The following PLEKHG2 variants were observed in gnomAD, a reference collection of about 807,000 sequenced individuals.
PLEKHG2 encodes the protein pleckstrin homology and RhoGEF domain containing G2, also known as pleckstrin homology domain-containing family G member 2.
In PLEKHG2, 71 loss-of-function variants were observed where a neutral mutation model predicts 104.4. That is an observed-to-expected ratio of 0.68 (90% CI 0.56 to 0.83). The LOEUF is 0.83. Among genes scored for constraint, PLEKHG2 ranks in the 40% least tolerant of loss-of-function variants. The probability of loss-of-function intolerance (pLI) is 0.00; values close to 1 mark genes in which losing one functional copy is unlikely to be tolerated. For synonymous variants in PLEKHG2, 728 were observed against 737.0 expected, an observed-to-expected ratio of 0.99 and a Z score of 0.20; for missense variants, 1,730 against 1,809.4, an observed-to-expected ratio of 0.96 and a Z score of 0.80.
At position 39,415,528 on chromosome 19, in the gene PLEKHG2, C is replaced by A; in HGVS notation, c.479+89C>A. On this transcript the variant is annotated intron_variant, in intron 4 of 18. Transcript: ENST00000425673. This position sits in a 1 kb window ranked among gnomAD's most constrained non-coding sequence, Gnocchi z 4.6. ...ACCTCGGAGCTTCGTAGTGTCCTGTCCAGGCTGGTACGTGGGGTTGTGACA... is the reference window on the plus strand; with the variant it reads ...ACCTCGGAGCTTCGTAGTGTCCTGTACAGGCTGGTACGTGGGGTTGTGACA... The A allele has an allele frequency of 7.1e-7, 1 of 1,406,972 alleles. No homozygotes were observed. The highest frequency in any genetic ancestry group is 9.8e-7 in the Non-Finnish European group (1 of 1,020,066). 87.2% of individuals were successfully genotyped at this position (1,406,972 alleles called of 1,614,324 possible).
rs564415732 is a variant in PLEKHG2 at position 39,420,130 on chromosome 19, C to T, written c.1264-496C>T. Among the ~76,000 whole-genome samples, 14 of 152,170 alleles carry T rather than the reference C, an allele frequency of 9.2e-5. No individual in the cohort carries two copies. The South Asian group carries it at 1.5e-3, about 16-fold the overall frequency. On this transcript the variant is annotated intron_variant, in intron 11 of 18. Transcript: ENST00000425673. The stretch of plus-strand genomic sequence containing the variant: ...ATCCCAGCACTTCGGGAGGCCAAGG[C>T]GGGTGGATCACCTGAGGTTAGGAGT...
intron 11 of PLEKHG2, among the ~76,000 whole-genome samples, chr19:39,420,280 A>ACC: frequency 6.6e-6 from 1 of 151,502 alleles, no homozygotes; most frequent in African/African-American, 2.4e-5. Flanking sequence ...AATCGCTTGA[A>ACC]CCCAGGAGGC....
chr19:39,424,269 G>C lies in PLEKHG2; in HGVS notation c.3136G>C (p.Asp1046His). The change falls in exon 19 of 19, where the codon GAC (aspartate) becomes CAC (histidine). Residue 1046 changes from aspartate to histidine, a missense_variant. Physicochemically the swap from Asp to His is moderately conservative, Grantham distance 81 (BLOSUM62 -1). Coordinates refer to ENST00000425673, the MANE Select transcript of PLEKHG2 (RefSeq NM_022835.3). ...TGTGCCCAAGCAAGAAGGTCACCTA[G>C]ACAGCGAGAGCCCAACCAATATCCC... The part of the protein sequence containing the change: ...TPVPKQEGHL[D>H]SESPTNIPLT... The C allele has an allele frequency of 6.2e-7, 1 of 1,614,188 alleles. No homozygotes were observed. The highest frequency in any genetic ancestry group is 8.5e-7 in the Non-Finnish European group (1 of 1,180,036).
At chr19:39,418,439 C>T (rs1295104070) in intron 9 of PLEKHG2, among the ~76,000 whole-genome samples, 3 of 152,004 alleles carry the variant, frequency 2.0e-5, no homozygotes, top group South Asian at 2.1e-4. Context: ...ATTAGCTGGA[C>T]GTGGTGGCAA....
At position 39,418,119 on chromosome 19, in the gene PLEKHG2, T is replaced by C; in HGVS notation, c.1083+14T>C. ...GGCCACATCTTCGTGAGTTTGGGGA[T>C]GGGGTGGGGCTAGAATACTACCTAC... On this transcript the variant is annotated intron_variant, in intron 9 of 18. Transcript: ENST00000425673. The C allele has an allele frequency of 6.7e-7, 1 of 1,495,142 alleles. No homozygotes were observed. The highest frequency in any genetic ancestry group is 8.9e-7 in the Non-Finnish European group (1 of 1,123,952). 92.6% of individuals were successfully genotyped at this position (1,495,142 alleles called of 1,614,324 possible). A position where few individuals can be genotyped will look rare whatever the true frequency, so the allele number is the denominator to read the frequency against.
At position 39,424,629 on chromosome 19, in the gene PLEKHG2, C is replaced by T; in HGVS notation, c.3496C>T (p.Gln1166Ter). ...WVQALPTSPKQGSLPDIQGPA... is the reference protein window; with the variant it reads ...WVQALPTSPK ...CCAAGCCCTCCCAACTTCACCCAAGCAGGGAAGCCTCCCAGACATCCAGGG... is the reference window on the plus strand; with the variant it reads ...CCAAGCCCTCCCAACTTCACCCAAGTAGGGAAGCCTCCCAGACATCCAGGG... The change falls in exon 19 of 19, where the codon CAG (glutamine) becomes TAG (stop). Residue 1166 changes from glutamine to a stop codon, truncating the protein, a stop_gained. Coordinates refer to ENST00000425673, the MANE Select transcript of PLEKHG2 (RefSeq NM_022835.3). LOFTEE classifies it low-confidence loss of function (END_TRUNC). 1 of 1,614,148 alleles carries T rather than the reference C, an allele frequency of 6.2e-7. No individual in the cohort carries two copies. The highest frequency in any genetic ancestry group is 8.5e-7 in the Non-Finnish European group (1 of 1,180,010).
intron 16 of PLEKHG2, 61 bp downstream of exon 16, chr19:39,421,360 A>G: frequency 1.3e-6 from 2 of 1,561,716 alleles, no homozygotes; most frequent in Admixed American, 1.7e-5. Context: ...TGGAGAAGGG[A>G]GCTTGAGTTC....
In PLEKHG2 at chr19:39,424,443, C is replaced by T. The variant is rs911735452; in HGVS notation, c.3310C>T (p.Leu1104Phe). The T allele has an allele frequency of 1.9e-6, 3 of 1,614,102 alleles. No homozygotes were observed. The highest frequency in any genetic ancestry group is 2.5e-6 in the Non-Finnish European group (3 of 1,180,020). ...ACCCTTGCCATGTCACCTCCCAGAC[C>T]TTCAGATTCCAGGTACCTCACCTTT... Reference protein sequence around the residue: ...LPPLPCHLPDLQIPGTSPLPA... With the variant: ...LPPLPCHLPDFQIPGTSPLPA... Residue 1104 changes from leucine to phenylalanine, a missense_variant, in exon 19 of 19, where the codon CTT becomes TTT. Physicochemically the swap from Leu to Phe is conservative, Grantham distance 22. Coordinates refer to ENST00000425673, the MANE Select transcript of PLEKHG2 (RefSeq NM_022835.3).
At chr19:39,414,837 G>C (rs2078574924) in intron 2 of PLEKHG2, among the ~76,000 whole-genome samples, 155 bp from the exon 3 acceptor site, 1 of 152,226 alleles carries the variant, frequency 6.6e-6, no homozygotes, top group Non-Finnish European at 1.5e-5. Flanking sequence ...GAGAGGATGG[G>C]ACTGGACCAA....
intron 11 of PLEKHG2, 116 bp from the exon 12 acceptor site, chr19:39,420,510 C>A: frequency 7.5e-7 from 1 of 1,339,184 alleles, no homozygotes; most frequent in Non-Finnish European, 1.1e-6. Context: ...GCGTATAGAG[C>A]AAGATCTAAA....
At chr19:39,417,448 T>G (rs1568391360) in intron 7 of PLEKHG2, 107 bp from the exon 8 acceptor site, 3 of 1,404,474 alleles carry the variant, frequency 2.1e-6, no homozygotes, top group Non-Finnish European at 1.9e-6. Context: ...CCACTGCGCC[T>G]GGCCTCTGCC....
rs1240194539 is a variant in PLEKHG2, at chr19:39,422,092, T to A, written c.1504-23T>A. The A allele has an allele frequency of 8.2e-6, 13 of 1,593,306 alleles. No homozygotes were observed. In the African/African-American group the frequency reaches 1.5e-4, roughly 18 times the overall value. ...GAGGGAGGAGTCTTGGCTCTTGCCT[T>A]CCATTGCTTTCCCTCCTCACAGCAC... On this transcript the variant is annotated intron_variant, in intron 16 of 18. Transcript: ENST00000425673.
At chr19:39,417,743 G>GC (rs1568391807) in intron 8 of PLEKHG2, 51 bp downstream of exon 8, 2 of 1,491,390 alleles carry the variant, frequency 1.3e-6, no homozygotes, top group Non-Finnish European at 9.1e-7. Context: ...GAGCGAGGGG[G>GC]CCTTGGGGCG....
At position 39,424,706 on chromosome 19, in the gene PLEKHG2, C is replaced by G. The variant is rs150926148; in HGVS notation, c.3573C>G (p.Val1191=). The change falls in exon 19 of 19, where the codon GTC becomes GTG. Residue 1191 remains valine, a synonymous_variant. Coordinates refer to ENST00000425673, the MANE Select transcript of PLEKHG2 (RefSeq NM_022835.3). ...LPEPSLTDTQ[V]QKLTPSLEQK... ...AGCCAAGCCTTACAGATACACAGGT[C>G]CAAAAACTCACACCTTCGTTGGAGC... 67 of 1,614,190 alleles carry G rather than the reference C, an allele frequency of 4.2e-5. No homozygotes were observed. In the African/African-American group the frequency reaches 6.8e-4, roughly 16 times the overall value.
At position 39,413,735 on chromosome 19, in the gene PLEKHG2, C is replaced by CTTT; in HGVS notation, c.-23+325_-22-326dup. The CTTT allele has an allele frequency of 6.0e-6, 1 of 165,630 alleles. No individual in the cohort carries two copies. 10.3% of individuals were successfully genotyped at this position (165,630 alleles called of 1,614,324 possible). On this transcript the variant is annotated intron_variant, in intron 1 of 18. Coordinates refer to ENST00000425673, the MANE Select transcript of PLEKHG2 (RefSeq NM_022835.3). This position sits in a 1 kb window ranked among gnomAD's most constrained non-coding sequence, Gnocchi z 4.5. Reference sequence around the variant, plus strand: ...GGACCCCGCGGCCTCCCGCCCACGGCTTTTCCCAGCCCTGCCCCTCGCCCT... The same window carrying CTTT: ...GGACCCCGCGGCCTCCCGCCCACGGCTTTTTTTCCCAGCCCTGCCCCTCGCCCT...
rs3859552 is a variant in PLEKHG2, at chr19:39,422,684, C to T, written c.1678-48C>T. 36 of 1,498,926 alleles carry T rather than the reference C, an allele frequency of 2.4e-5. No homozygotes were observed. In the Admixed American group the frequency reaches 8.3e-4, roughly 34 times the overall value. 92.9% of individuals were successfully genotyped at this position (1,498,926 alleles called of 1,614,324 possible). A position where few individuals can be genotyped will look rare whatever the true frequency, so the allele number is the denominator to read the frequency against. On this transcript the variant is annotated intron_variant, in intron 17 of 18. Coordinates refer to ENST00000425673, the MANE Select transcript of PLEKHG2 (RefSeq NM_022835.3). ...GATTACAGGCGTGAGCCACCACACC[C>T]AGCTACCATGCTGATATGTTTGGCT...
At chr19:39,422,364 C>G in intron 17 of PLEKHG2, 76 bp downstream of exon 17, 1 of 1,447,304 alleles carries the variant, frequency 6.9e-7, no homozygotes, top group Non-Finnish European at 9.3e-7. Flanking sequence ...GATAGGCCAG[C>G]CCATGCTGAT....
chr19:39,417,024 G>A (rs200676019), intron 7 of PLEKHG2, 24 bp downstream of exon 7: 2 of 1,580,778 alleles, frequency 1.3e-6, no homozygotes, highest in East Asian at 2.3e-5. Flanking sequence ...CCTGGAGCCA[G>A]GCTGGGGAGG....
rs2078774785 is a variant in PLEKHG2 at position 39,425,754 on chromosome 19, A to T, written c.*460A>T. On this transcript the variant is annotated 3_prime_UTR_variant, in exon 19 of 19. Transcript: ENST00000425673. Reference sequence around the variant, plus strand: ...GACACTAGAAATCCATTCCCTTGGCAATTTATACAGTTCACGTCTCCCACC... The same window carrying T: ...GACACTAGAAATCCATTCCCTTGGCTATTTATACAGTTCACGTCTCCCACC... The T allele has an allele frequency of 4.9e-6, 1 of 202,306 alleles. No homozygotes were observed. The highest frequency in any genetic ancestry group is 1.9e-4 in the South Asian group (1 of 5,332). The allele number at this position is 202,306 out of a possible 1,614,324, so 12.5% of individuals were successfully genotyped here. A position where few individuals can be genotyped will look rare whatever the true frequency, so the allele number is the denominator to read the frequency against.
Sources: allele counts gnomAD v4.1 joint callset (sites outside exome capture counted in the v4.1 genomes callset), GRCh38; gene constraint gnomAD v4.1.1; non-coding constraint Gnocchi (gnomAD v3.1); transcripts MANE v1.5; gene names NCBI Gene and HGNC (gene_info 2026-07-23, HGNC 2026-07-21).